CLYBL: variants seen among roughly 807,000 people sequenced by gnomAD.
CLYBL encodes the protein citramalyl-CoA lyase, mitochondrial.
A neutral mutation model predicts 38.9 loss-of-function variants in CLYBL; 31 were observed. The ratio of observed to expected loss-of-function variants is 0.80; its 90% confidence interval spans 0.60 to 1.08. The LOEUF is 1.08. Among genes scored for constraint, CLYBL ranks in the 50% least tolerant of loss-of-function variants. CLYBL has a pLI of 0.00. For synonymous variants in CLYBL, 171 were observed against 158.6 expected, an observed-to-expected ratio of 1.08 and a Z score of -0.59; for missense variants, 434 against 411.6, an observed-to-expected ratio of 1.05 and a Z score of -0.47.
chr13:99,789,088 CTCTTT>C (rs2049861562), intron 2 of CLYBL, among the ~76,000 whole-genome samples: 2 of 151,980 alleles, frequency 1.3e-5, no homozygotes, highest in African/African-American at 4.8e-5. Flanking sequence ...TGATTCTTCT[CTCTTT>C]TCTTATTAGT....
intron 1 of CLYBL, among the ~76,000 whole-genome samples, chr13:99,661,420 C>T (rs2047407379): frequency 6.6e-6 from 1 of 151,846 alleles, no homozygotes. Flanking sequence ...GAGATCAAAA[C>T]ATTTTTCTAT....
At chr13:99,780,377 T>G (rs957509586) in intron 2 of CLYBL, among the ~76,000 whole-genome samples, 4 of 152,196 alleles carry the variant, frequency 2.6e-5, no homozygotes, top group African/African-American at 9.6e-5. Flanking sequence ...ATATCCATGT[T>G]GACAATTTCA....
chr13:99,819,452 A>ATG (rs1566340222), intron 2 of CLYBL, among the ~76,000 whole-genome samples: 1 of 83,070 alleles, frequency 1.2e-5, no homozygotes, highest in African/African-American at 4.9e-5. Flanking sequence ...ATATATATAT[A>ATG]TATATATATA....
chr13:99,780,053 G>A (rs1037564109), intron 2 of CLYBL, among the ~76,000 whole-genome samples: 1 of 151,962 alleles, frequency 6.6e-6, no homozygotes, highest in Non-Finnish European at 1.5e-5. Context: ...ACTTCTATCT[G>A]CTTGATGTGT....
chr13:99,769,373 G>A (rs2049335111), intron 1 of CLYBL, among the ~76,000 whole-genome samples: 3 of 152,142 alleles, frequency 2.0e-5, no homozygotes, highest in South Asian at 4.2e-4. Flanking sequence ...AGTTGTCTGG[G>A]TGGGGAAGAT....
At chr13:99,802,006 A>G (rs1314144784) in intron 2 of CLYBL, among the ~76,000 whole-genome samples, 2 of 152,348 alleles carry the variant, frequency 1.3e-5, no homozygotes, top group Non-Finnish European at 2.9e-5. Context: ...ACAAGAGTGA[A>G]ACTCCATCTC....
At chr13:99,804,293 G>C (rs943388760) in intron 2 of CLYBL, among the ~76,000 whole-genome samples, 1 of 152,228 alleles carries the variant, frequency 6.6e-6, no homozygotes, top group African/African-American at 2.4e-5. Context: ...ATCTGGATTT[G>C]ACATTAAACT....
intron 2 of CLYBL, among the ~76,000 whole-genome samples, chr13:99,796,752 C>T (rs2050029628): frequency 6.6e-6 from 1 of 152,136 alleles, no homozygotes; most frequent in African/African-American, 2.4e-5. Flanking sequence ...GCCAAGGTTC[C>T]CCATCTCAAG....
intron 1 of CLYBL, among the ~76,000 whole-genome samples, chr13:99,673,161 C>G (rs1261545486): frequency 6.6e-6 from 1 of 152,100 alleles, no homozygotes; most frequent in East Asian, 1.9e-4. Context: ...GCCTGTAATC[C>G]CAGCACTTTG....
chr13:99,738,832 G>T (rs1359289665), intron 1 of CLYBL, among the ~76,000 whole-genome samples: 1 of 152,042 alleles, frequency 6.6e-6, no homozygotes. Flanking sequence ...GAGGAGGGAG[G>T]GGGACAAGGC....
At chr13:99,794,186 C>A (rs370014753) in intron 2 of CLYBL, among the ~76,000 whole-genome samples, 1 of 152,040 alleles carries the variant, frequency 6.6e-6, no homozygotes, top group South Asian at 2.1e-4. Context: ...TTTGGGAGGC[C>A]GAGGCAGGCA....
At chr13:99,609,063 C>T (rs527662720) in intron 1 of CLYBL, among the ~76,000 whole-genome samples, 24 of 151,202 alleles carry the variant, frequency 1.6e-4, no homozygotes, top group Admixed American at 1.1e-3. Flanking sequence ...TTCGGAGGCT[C>T]CCATTGCGTA....
Position 99,891,610 on chromosome 13 carries a change from T to G in CLYBL, c.*24+173T>G, listed in dbSNP as rs559168667. The G allele has an allele frequency of 4.2e-4, 225 of 530,362 alleles. 1 individual carries two copies. The highest frequency in any genetic ancestry group is 3.5e-3 in the Middle Eastern group (7 of 2,022). 32.9% of individuals were successfully genotyped at this position (530,362 alleles called of 1,614,324 possible). On this transcript the variant is annotated intron_variant, in intron 8 of 8. Transcript: ENST00000339105. Reference sequence around the variant, plus strand: ...CTAAAAAAATGAACGCTTTTCCCTTTGGATCCAAGCTTATGATTTTATCAT... The same window carrying G: ...CTAAAAAAATGAACGCTTTTCCCTTGGGATCCAAGCTTATGATTTTATCAT...
chr13:99,814,153 A>G (rs2050395858), intron 2 of CLYBL, among the ~76,000 whole-genome samples: 1 of 152,232 alleles, frequency 6.6e-6, no homozygotes, highest in African/African-American at 2.4e-5. Context: ...TACAAATTAT[A>G]TTGAAGATGA....
intron 2 of CLYBL, among the ~76,000 whole-genome samples, chr13:99,837,838 C>G (rs980596931): frequency 6.6e-6 from 1 of 152,194 alleles, no homozygotes; most frequent in Non-Finnish European, 1.5e-5. Context: ...CCCATCAAAC[C>G]AAATAAAGTG....
At chr13:99,879,747 C>T (rs1566365239) in intron 7 of CLYBL, among the ~76,000 whole-genome samples, 1 of 152,118 alleles carries the variant, frequency 6.6e-6, no homozygotes, top group Admixed American at 6.6e-5. Context: ...TAAAACTACT[C>T]TGAAATCATA....
intron 1 of CLYBL, among the ~76,000 whole-genome samples, chr13:99,676,238 T>TTCCTTCC (rs1307422694): frequency 1.7e-5 from 2 of 119,972 alleles, no homozygotes; most frequent in Non-Finnish European, 3.4e-5. Flanking sequence ...CCTTCCTTCC[T>TTCCTTCC]TTCCTCCCTT....
intron 1 of CLYBL, among the ~76,000 whole-genome samples, chr13:99,672,348 A>G (rs1245634952): frequency 1.3e-5 from 2 of 152,062 alleles, no homozygotes; most frequent in African/African-American, 4.8e-5. Flanking sequence ...CTGAGACAAC[A>G]GGCATGCACT....
At chr13:99,657,870 G>A (rs1157930821) in intron 1 of CLYBL, among the ~76,000 whole-genome samples, 1 of 152,216 alleles carries the variant, frequency 6.6e-6, no homozygotes, top group African/African-American at 2.4e-5. Flanking sequence ...TCTTCAGCGA[G>A]TTTCTTGATC....
Sources: allele counts gnomAD v4.1 joint callset (sites outside exome capture counted in the v4.1 genomes callset), GRCh38; gene constraint gnomAD v4.1.1; transcripts MANE v1.5; gene names NCBI Gene and HGNC (gene_info 2026-07-23, HGNC 2026-07-21).